Variants in CERS3 observed in about 807,000 individuals in gnomAD.
CERS3 encodes the protein LAG1 homolog, ceramide synthase 3.
CERS3 carries 33 observed loss-of-function variants against 50.3 expected under a neutral mutation model. The observed-to-expected ratio is 0.66, with a 90% CI of 0.50 to 0.88. The LOEUF (loss-of-function observed/expected upper bound fraction) is 0.88. CERS3 is among the 40% of genes least tolerant of loss of function. The probability of loss-of-function intolerance (pLI) is 0.00; values close to 1 mark genes in which losing one functional copy is unlikely to be tolerated. For synonymous variants in CERS3, 176 were observed against 155.2 expected (o/e 1.13, Z -0.99); for missense variants, 470 against 460.3 (o/e 1.02, Z -0.19).
chr15:100,432,809 A>C (rs2033202404), intron 11 of CERS3, among the ~76,000 whole-genome samples: 1 of 152,194 alleles, frequency 6.6e-6, no homozygotes, highest in South Asian at 2.1e-4. Flanking sequence ...AAACAGAGTC[A>C]CGGAAGAGGT....
chr15:100,463,713 T>A (rs1379237689), intron 10 of CERS3, among the ~76,000 whole-genome samples: 2 of 152,164 alleles, frequency 1.3e-5, no homozygotes, highest in Admixed American at 1.3e-4. Context: ...AAAGTCTAGT[T>A]CTGAGATACA....
intron 11 of CERS3, among the ~76,000 whole-genome samples, chr15:100,413,235 A>T (rs1007745833): frequency 3.9e-5 from 6 of 152,166 alleles, no homozygotes; most frequent in Admixed American, 6.5e-5. Flanking sequence ...CACAACTCTA[A>T]CCAGGCAAAG....
chr15:100,504,091 CA>C (rs2036093602), intron 2 of CERS3, among the ~76,000 whole-genome samples: 2 of 151,482 alleles, frequency 1.3e-5, no homozygotes, highest in Non-Finnish European at 1.5e-5. Flanking sequence ...CAGAAAGATC[CA>C]CACCAAAACC....
At position 100,490,905 on chromosome 15, in the gene CERS3, G is replaced by C; in HGVS notation, c.200C>G (p.Ser67Ter). ...TCGAACTGTCTCTTTAATGCCAAATGATTTTGCTAGAGGTGAAGCAACAAA... is the reference window on the plus strand; with the variant it reads ...TCGAACTGTCTCTTTAATGCCAAATCATTTTGCTAGAGGTGAAGCAACAAA... The part of the protein sequence containing the change: ...EKFVASPLAK[S>*]FGIKETVRKV... Residue 67 changes from serine to a stop codon, truncating the protein, a stop_gained, in exon 4 of 12, where the codon TCA becomes TGA. Coordinates refer to ENST00000679737, the MANE Select transcript of CERS3 (RefSeq NM_001378789.1). LOFTEE classifies it high-confidence loss of function. 1 of 1,601,082 alleles carries C rather than the reference G, an allele frequency of 6.2e-7. No homozygotes were observed. The highest frequency in any genetic ancestry group is 8.5e-7 in the Non-Finnish European group (1 of 1,175,156).
At chr15:100,413,516 ACT>A (rs879820173) in intron 11 of CERS3, among the ~76,000 whole-genome samples, 196 of 18,382 alleles carry the variant, frequency 0.011, no homozygotes, top group Non-Finnish European at 0.025. Context: ...TGACGACTAT[ACT>A]ATACTATACT....
At chr15:100,462,040 A>G (rs1365993935) in intron 10 of CERS3, among the ~76,000 whole-genome samples, 1 of 152,206 alleles carries the variant, frequency 6.6e-6, no homozygotes, top group Non-Finnish European at 1.5e-5. Context: ...ACGTGCATAC[A>G]TGTGTGCAGG....
chr15:100,446,098 C>T (rs2033926218), intron 11 of CERS3, among the ~76,000 whole-genome samples: 1 of 146,036 alleles, frequency 6.8e-6, no homozygotes, highest in Non-Finnish European at 1.5e-5. Context: ...TCTCCCTTCA[C>T]TGACTCTCTT....
upstream of CERS3, among the ~76,000 whole-genome samples, chr15:100,533,646 C>A (rs2036999667): frequency 6.6e-6 from 1 of 151,208 alleles, no homozygotes; most frequent in South Asian, 2.1e-4. Flanking sequence ...CAACCTCCAC[C>A]TCCCGGGTTG....
intron 1 of CERS3, among the ~76,000 whole-genome samples, chr15:100,524,120 A>G (rs533730659): frequency 6.6e-6 from 1 of 152,244 alleles, no homozygotes; most frequent in South Asian, 2.1e-4. Flanking sequence ...TAATTTTCAG[A>G]CAGTATTGAG....
At chr15:100,505,841 C>T (rs1381746937) in intron 2 of CERS3, among the ~76,000 whole-genome samples, 1 of 152,208 alleles carries the variant, frequency 6.6e-6, no homozygotes, top group African/African-American at 2.4e-5. Flanking sequence ...GATCCCATCT[C>T]TACAAAAAAT....
chr15:100,473,183 A>G (rs2035023483), intron 8 of CERS3, 131 bp from the exon 9 acceptor site: 1 of 932,084 alleles, frequency 1.1e-6, no homozygotes, highest in Non-Finnish European at 1.6e-6. Context: ...AAATGCTTTT[A>G]CTTCCTAAAC....
At chr15:100,500,246 T>A (rs2035957035) in intron 3 of CERS3, 1 of 151,480 alleles carries the variant, frequency 6.6e-6, no homozygotes. Flanking sequence ...AGGCTGAGAG[T>A]GAGTTATTGG....
At chr15:100,441,444 T>C (rs963523559) in intron 11 of CERS3, among the ~76,000 whole-genome samples, 6 of 151,780 alleles carry the variant, frequency 4.0e-5, no homozygotes, top group Non-Finnish European at 8.8e-5. Flanking sequence ...CCAACCCCTT[T>C]CTCGCTTTTC....
intron 2 of CERS3, among the ~76,000 whole-genome samples, chr15:100,505,135 G>C (rs74041474): frequency 1.3e-5 from 2 of 152,034 alleles, no homozygotes; most frequent in African/African-American, 4.8e-5. Flanking sequence ...TTACTTTATT[G>C]GTTCCAAATT....
chr15:100,536,434 G>A (rs1356189614), intron 1 of CERS3, among the ~76,000 whole-genome samples: 1 of 152,084 alleles, frequency 6.6e-6, no homozygotes, highest in Non-Finnish European at 1.5e-5. Flanking sequence ...ACAGGCACAT[G>A]CCACCATGCC....
At chr15:100,509,889 GATT>G (rs2142355410) in intron 2 of CERS3, among the ~76,000 whole-genome samples, 1 of 152,212 alleles carries the variant, frequency 6.6e-6, no homozygotes, top group South Asian at 2.1e-4. Flanking sequence ...AATAAAATCT[GATT>G]TAATTATCTA....
At chr15:100,454,712 A>T (rs539336550) in intron 11 of CERS3, among the ~76,000 whole-genome samples, 1 of 152,282 alleles carries the variant, frequency 6.6e-6, no homozygotes, top group South Asian at 2.1e-4. Flanking sequence ...CAAAATAGAC[A>T]CATGGGACTA....
At chr15:100,456,090 A>C in intron 10 of CERS3, 44 bp from the exon 11 acceptor site, 1 of 1,473,450 alleles carries the variant, frequency 6.8e-7, no homozygotes, top group Non-Finnish European at 9.1e-7. Context: ...CAACCAAAGC[A>C]CCTATGAATT....
chr15:100,532,827 G>T (rs2036970657), upstream of CERS3, among the ~76,000 whole-genome samples: 1 of 152,142 alleles, frequency 6.6e-6, no homozygotes, highest in Admixed American at 6.5e-5. Flanking sequence ...CTTCACAAGT[G>T]GTTCCCCACT....
Sources: allele counts gnomAD v4.1 joint callset (sites outside exome capture counted in the v4.1 genomes callset), GRCh38; gene constraint gnomAD v4.1.1; transcripts MANE v1.5; gene names NCBI Gene and HGNC (gene_info 2026-07-23, HGNC 2026-07-21).